XRN2: variants seen among roughly 807,000 people sequenced by gnomAD.
XRN2 encodes the protein 5'-3' exoribonuclease 2.
A neutral mutation model predicts 138.5 loss-of-function variants in XRN2; 44 were observed. That is an observed-to-expected ratio of 0.32 (90% CI 0.25 to 0.41). The LOEUF is 0.41. Ranked by LOEUF, XRN2 falls within the 10% of genes least tolerant of loss-of-function variation. The pLI is 1.00. For missense variants in XRN2, 937 were observed against 1,169.3 expected, an observed-to-expected ratio of 0.80 and a Z score of 2.90; for synonymous variants, 354 against 369.4, an observed-to-expected ratio of 0.96 and a Z score of 0.48.
At chr20:21,326,625 C>A in intron 3 of XRN2, 24 bp downstream of exon 3, 3 of 1,576,198 alleles carry the variant, frequency 1.9e-6, no homozygotes, top group Non-Finnish European at 2.6e-6. Flanking sequence ...TAATTAGAAG[C>A]CTCCATTTTG....
At chr20:21,384,499 T>A (rs2038917153) in intron 28 of XRN2, among the ~76,000 whole-genome samples, 1 of 152,126 alleles carries the variant, frequency 6.6e-6, no homozygotes, top group Non-Finnish European at 1.5e-5. Context: ...CTTTTATTGA[T>A]TTATTGATTG....
chr20:21,326,718 A>C (rs2038133993), intron 3 of XRN2, 117 bp downstream of exon 3: 2 of 790,882 alleles, frequency 2.5e-6, no homozygotes, highest in East Asian at 2.7e-5. Context: ...CTTGAGAAAG[A>C]AAGCCTCATC....
intron 1 of XRN2, among the ~76,000 whole-genome samples, chr20:21,308,636 G>A (rs1188649444): frequency 6.6e-6 from 1 of 152,184 alleles, no homozygotes; most frequent in African/African-American, 2.4e-5. Flanking sequence ...CGGGCAGGGT[G>A]AGGCATCTGT....
chr20:21,380,134 G>A (rs956232298), intron 27 of XRN2, among the ~76,000 whole-genome samples: 1 of 152,140 alleles, frequency 6.6e-6, no homozygotes, highest in Non-Finnish European at 1.5e-5. Context: ...TGTTTCCAGG[G>A]TAACCGCAGT....
At chr20:21,384,355 G>A (rs902706132) in intron 28 of XRN2, among the ~76,000 whole-genome samples, 12 of 152,156 alleles carry the variant, frequency 7.9e-5, no homozygotes, top group African/African-American at 2.7e-4. Context: ...TTTACCATAT[G>A]CATACATTTA....
chr20:21,377,926 C>T (rs1226965375), intron 27 of XRN2, among the ~76,000 whole-genome samples: 7 of 152,134 alleles, frequency 4.6e-5, no homozygotes, highest in Admixed American at 2.0e-4. Flanking sequence ...GTCACGGCTT[C>T]GAGAGCACCT....
chr20:21,346,656 G>A, intron 17 of XRN2, 106 bp downstream of exon 17: 1 of 1,410,820 alleles, frequency 7.1e-7, no homozygotes, highest in Non-Finnish European at 9.6e-7. Context: ...GTCTTGCCCT[G>A]TCACCTGGGC....
In XRN2 at chr20:21,348,532, T is replaced by A. The variant is rs1008286446; in HGVS notation, c.1863+102T>A. 9.6e-6 allele frequency: 10 copies of A among 1,038,512 alleles called. No individual in the cohort carries two copies. In the African/African-American group the frequency reaches 1.4e-4, roughly 15 times the overall value. The allele number at this position is 1,038,512 out of a possible 1,614,324, so 64.3% of individuals were successfully genotyped here. ...GCAGCTGATAGTTAAAACAGTGAAGTACAGAAACAGTATGTTTTTTACTCC... is the reference window on the plus strand; with the variant it reads ...GCAGCTGATAGTTAAAACAGTGAAGAACAGAAACAGTATGTTTTTTACTCC... On this transcript the variant is annotated intron_variant, in intron 19 of 29. Transcript: ENST00000377191.
intron 1 of XRN2, among the ~76,000 whole-genome samples, chr20:21,319,791 C>T (rs951692843): frequency 6.6e-5 from 10 of 151,884 alleles, no homozygotes; most frequent in Admixed American, 1.3e-4. Context: ...GTTACTTTAC[C>T]GTCTGTAGCC....
intron 28 of XRN2, among the ~76,000 whole-genome samples, chr20:21,383,526 A>T (rs147235486): frequency 2.0e-5 from 3 of 152,304 alleles, no homozygotes; most frequent in African/African-American, 7.2e-5. Context: ...AGCTTACCTA[A>T]GGTCACTCTT....
rs1241802663 is a variant in XRN2, at chr20:21,317,160, T to C, written c.76-9119T>C. ...GTGGCAAGAGCAGGCATCTTTGTCT[T>C]ATTCCTCATTTTAGAGGGAAAGCAT... On this transcript the variant is annotated intron_variant, in intron 1 of 29. Coordinates refer to ENST00000377191, the MANE Select transcript of XRN2 (RefSeq NM_012255.5). 2.6e-5 allele frequency among the ~76,000 whole-genome samples: 4 copies of C among 152,362 alleles called. No individual in the cohort carries two copies. In the East Asian group the frequency reaches 7.7e-4, roughly 29 times the overall value.
intron 13 of XRN2, among the ~76,000 whole-genome samples, 196 bp from the exon 14 acceptor site, chr20:21,338,848 A>C (rs2038334391): frequency 6.6e-6 from 1 of 152,174 alleles, no homozygotes; most frequent in African/African-American, 2.4e-5. Flanking sequence ...ATTGTATCTA[A>C]ATTCAGTCTT....
chr20:21,330,766 A>AT, intron 6 of XRN2, 61 bp downstream of exon 6: 1 of 1,442,184 alleles, frequency 6.9e-7, no homozygotes, highest in Middle Eastern at 2.4e-4. Context: ...CTGTACTTTG[A>AT]TATGACTGAC....
intron 16 of XRN2, among the ~76,000 whole-genome samples, chr20:21,344,418 A>T (rs2038409828): frequency 6.6e-6 from 1 of 152,176 alleles, no homozygotes; most frequent in Non-Finnish European, 1.5e-5. Flanking sequence ...CTAGATTAGT[A>T]TGCGTGCAGG....
At chr20:21,384,657 T>A (rs910950507) in intron 28 of XRN2, among the ~76,000 whole-genome samples, 3 of 152,154 alleles carry the variant, frequency 2.0e-5, no homozygotes, top group Admixed American at 6.5e-5. Context: ...CATGCCTGGC[T>A]GATTTTTGTA....
chr20:21,356,101 G>A lies in XRN2; in HGVS notation c.2042G>A (p.Gly681Asp). 1 of 1,612,328 alleles carries A rather than the reference G, an allele frequency of 6.2e-7. No individual in the cohort carries two copies. Among genetic ancestry groups the A allele is most frequent in the Non-Finnish European group, 8.5e-7 (1 of 1,179,050 alleles). Reference sequence around the variant, plus strand: ...CTAGCCAGAAGAAACAGCCTTGGAGGTGATGTCTTATTTGTGGGGAAACAT... The same window carrying A: ...CTAGCCAGAAGAAACAGCCTTGGAGATGATGTCTTATTTGTGGGGAAACAT... ...PEETRRNSLGGDVLFVGKHHP... is the reference protein window; with the variant it reads ...PEETRRNSLGDDVLFVGKHHP... Residue 681 changes from glycine (G) to aspartate (D), a missense_variant, in exon 22 of 30, where the codon GGT becomes GAT. Gly to Asp is a moderately conservative substitution (Grantham distance 94). This residue lies in a region of XRN2 where 372 missense variants were observed against 414.4 expected (regional missense o/e 0.90). Transcript: ENST00000377191.
At chr20:21,387,861 A>G (rs1402861395) in intron 29 of XRN2, among the ~76,000 whole-genome samples, 2 of 152,212 alleles carry the variant, frequency 1.3e-5, no homozygotes. Context: ...TCTCACAGCT[A>G]AGGAACATAT....
At chr20:21,317,594 A>G (rs1187361212) in intron 1 of XRN2, among the ~76,000 whole-genome samples, 6 of 152,190 alleles carry the variant, frequency 3.9e-5, no homozygotes, top group African/African-American at 1.2e-4. Flanking sequence ...TCTCTGATAT[A>G]TAATGGTGTA....
intron 27 of XRN2, among the ~76,000 whole-genome samples, chr20:21,376,166 G>A (rs932917074): frequency 6.6e-6 from 1 of 151,932 alleles, no homozygotes; most frequent in East Asian, 2.0e-4. Context: ...AAAGTTCTTG[G>A]CCGGGTGCAG....
Sources: gnomAD v4.1 joint callset for allele counts (sites outside exome capture counted in the v4.1 genomes callset) on GRCh38, gnomAD v4.1.1 for gene constraint, gnomAD v4.1.1 regional missense constraint, MANE v1.5 for transcripts, NCBI Gene and HGNC (gene_info 2026-07-23, HGNC 2026-07-21) for gene names.